Variants in LRRC39 observed in about 807,000 individuals in gnomAD.
The protein encoded by LRRC39 is leucine-rich repeat-containing protein 39.
Under a neutral mutation model 39.7 loss-of-function variants are expected in LRRC39, and 35 were observed. The observed-to-expected ratio is 0.88, with a 90% CI of 0.67 to 1.17. LRRC39 has a LOEUF of 1.17. LRRC39 is among the 50% of genes most tolerant of loss of function. LRRC39 has a pLI of 0.00. For synonymous variants in LRRC39, 113 were observed against 134.1 expected (o/e 0.84, Z 1.09); for missense variants, 357 against 385.8 (o/e 0.93, Z 0.62).
Position 100,149,025 on chromosome 1 carries a change from G to C in LRRC39, c.*17C>G, listed in dbSNP as rs756598148. On this transcript the variant is annotated 3_prime_UTR_variant, in exon 10 of 10. Coordinates refer to ENST00000370137, the MANE Select transcript of LRRC39 (RefSeq NM_144620.4). Reference sequence around the variant, plus strand: ...TTCACCAAAGTAATCCTCTTTAGAAGGGCATCTTGAATTATATTATCCATC... The same window carrying C: ...TTCACCAAAGTAATCCTCTTTAGAACGGCATCTTGAATTATATTATCCATC... 1 of 1,555,998 alleles carries C rather than the reference G, an allele frequency of 6.4e-7. No individual in the cohort carries two copies. Among genetic ancestry groups the C allele is most frequent in the Non-Finnish European group, 8.7e-7 (1 of 1,155,664 alleles).
chr1:100,169,572 A>G (rs1018988206), intron 2 of LRRC39, among the ~76,000 whole-genome samples: 4 of 152,182 alleles, frequency 2.6e-5, no homozygotes, highest in Non-Finnish European at 5.9e-5. Context: ...TCATCGGTAA[A>G]CTATAGTCTA....
chr1:100,164,367 C>T (rs1659094022), intron 3 of LRRC39, among the ~76,000 whole-genome samples: 2 of 152,194 alleles, frequency 1.3e-5, no homozygotes, highest in Non-Finnish European at 2.9e-5. Flanking sequence ...TTCCTTGCCA[C>T]TCAGTGTGAT....
At chr1:100,179,441 C>A (rs189942929), upstream of LRRC39, among the ~76,000 whole-genome samples, 99 of 121,132 alleles carry the variant, frequency 8.2e-4, no homozygotes, top group African/African-American at 2.9e-3. Flanking sequence ...ATGGTAGGAT[C>A]ACTTGAGCCC....
At position 100,152,472 on chromosome 1, in the gene LRRC39, T is replaced by G. The variant is rs780873665; in HGVS notation, c.865A>C (p.Ser289Arg). 1 of 1,614,082 alleles carries G rather than the reference T, an allele frequency of 6.2e-7. No individual in the cohort carries two copies. The highest frequency in any genetic ancestry group is 1.7e-5 in the Admixed American group (1 of 60,018). The change falls in exon 9 of 10, where the codon AGT becomes CGT. Residue 289 changes from serine (S) to arginine (R), a missense_variant. Coordinates refer to ENST00000370137, the MANE Select transcript of LRRC39 (RefSeq NM_144620.4). ...PLKLKVSLPP[S>R]EGTDEEEERE... is the part of the protein sequence containing the mutation. ...TCCTCTTCTTCATCTGTGCCTTCAC[T>G]GGGAGGAAGTGATACTTTCAATTTC... is the stretch of plus-strand genomic sequence containing the variant.
chr1:100,160,814 C>G (rs553426856), intron 3 of LRRC39, among the ~76,000 whole-genome samples: 4 of 151,924 alleles, frequency 2.6e-5, no homozygotes. Context: ...TTAGTAGAAA[C>G]GGGTTTTCAC....
intron 2 of LRRC39, among the ~76,000 whole-genome samples, chr1:100,171,158 T>C (rs1004631990): frequency 6.6e-6 from 1 of 152,354 alleles, no homozygotes; most frequent in Middle Eastern, 3.4e-3. Flanking sequence ...TGGGATATTT[T>C]AACAATTCTT....
intron 4 of LRRC39, among the ~76,000 whole-genome samples, chr1:100,159,982 CA>C (rs1263531058): frequency 6.6e-6 from 1 of 151,980 alleles, no homozygotes; most frequent in Non-Finnish European, 1.5e-5. Context: ...AACATAAAAA[CA>C]AACACTGACC....
intron 2 of LRRC39, among the ~76,000 whole-genome samples, chr1:100,172,821 G>T (rs1442693324): frequency 6.6e-6 from 1 of 152,014 alleles, no homozygotes; most frequent in African/African-American, 2.4e-5. Context: ...TTAGCCGGGC[G>T]TGGTGGCAGG....
Position 100,168,531 on chromosome 1 carries a change from G to A in LRRC39, c.-15C>T. ...TTTTCTGTCATGATTTCTCCACATT[G>A]TCATAGTCACCAACTTCATTAGGTT... On this transcript the variant is annotated 5_prime_UTR_variant, in exon 3 of 10. Coordinates refer to ENST00000370137, the MANE Select transcript of LRRC39 (RefSeq NM_144620.4). The A allele has an allele frequency of 1.3e-6, 2 of 1,585,672 alleles. No individual in the cohort carries two copies. The highest frequency in any genetic ancestry group is 2.3e-5 in the South Asian group (2 of 88,312).
chr1:100,148,570 T>C lies in LRRC39; in HGVS notation c.*472A>G, dbSNP rs745821323. The C allele has an allele frequency of 2.0e-4, 304 of 1,492,380 alleles. No homozygotes were observed. Among genetic ancestry groups the C allele is most frequent in the Non-Finnish European group, 2.5e-4 (278 of 1,093,886 alleles). 92.4% of individuals were successfully genotyped at this position (1,492,380 alleles called of 1,614,324 possible). On this transcript the variant is annotated 3_prime_UTR_variant, in exon 10 of 10. Coordinates refer to ENST00000370137, the MANE Select transcript of LRRC39 (RefSeq NM_144620.4). ...CAATAAATAGTGACAAAAATAATTTTTTATAAACTTTTGCAAAATTTTAAC... is the reference window on the plus strand; with the variant it reads ...CAATAAATAGTGACAAAAATAATTTCTTATAAACTTTTGCAAAATTTTAAC...
chr1:100,153,017 A>G (rs1658171142), intron 8 of LRRC39, among the ~76,000 whole-genome samples: 2 of 152,186 alleles, frequency 1.3e-5, no homozygotes. Flanking sequence ...GTGAGCCACC[A>G]CATCTGGCCT....
intron 9 of LRRC39, among the ~76,000 whole-genome samples, chr1:100,151,347 C>G (rs1166966029): frequency 6.6e-6 from 1 of 152,188 alleles, no homozygotes; most frequent in East Asian, 1.9e-4. Flanking sequence ...TATATATTCT[C>G]TGCTTTCCAA....
At chr1:100,172,713 C>T (rs1447258904) in intron 2 of LRRC39, among the ~76,000 whole-genome samples, 1 of 152,042 alleles carries the variant, frequency 6.6e-6, no homozygotes, top group Non-Finnish European at 1.5e-5. Context: ...GTAGTCCCAG[C>T]ACTTTGGGAG....
intron 9 of LRRC39, among the ~76,000 whole-genome samples, chr1:100,151,975 AAAC>A (rs1251588647): frequency 2.6e-5 from 4 of 152,154 alleles, no homozygotes; most frequent in Non-Finnish European, 5.9e-5. Context: ...ACAAACAAAC[AAAC>A]AAAAAACTGT....
At chr1:100,167,668 G>A (rs537787295) in intron 3 of LRRC39, among the ~76,000 whole-genome samples, 1 of 151,798 alleles carries the variant, frequency 6.6e-6, no homozygotes, top group South Asian at 2.1e-4. Flanking sequence ...CTAGCTACTT[G>A]GAAGGCTGAG....
chr1:100,168,458 T>G lies in LRRC39; in HGVS notation c.59A>C (p.Lys20Thr). ...AVNAVKEVWE[K>T]RIKKLNEDLK... ...GTCTTCATTGAGTTTCTTTATTCTT[T>G]TTTCCCAAACTTCCTTTACAGCATT... Residue 20 changes from lysine to threonine, a missense_variant, in exon 3 of 10, where the codon AAA becomes ACA. Lys to Thr is a moderately conservative substitution (Grantham distance 78). Coordinates refer to ENST00000370137, the MANE Select transcript of LRRC39 (RefSeq NM_144620.4). 6.2e-7 allele frequency: 1 copy of G among 1,612,806 alleles called. No individual in the cohort carries two copies.
chr1:100,155,711 A>G (rs1454803527), intron 7 of LRRC39, among the ~76,000 whole-genome samples: 1 of 152,240 alleles, frequency 6.6e-6, no homozygotes, highest in African/African-American at 2.4e-5. Context: ...ATAATGCGTA[A>G]CATCATGAAC....
chr1:100,154,635 C>G (rs1658325553), intron 8 of LRRC39, among the ~76,000 whole-genome samples: 1 of 152,080 alleles, frequency 6.6e-6, no homozygotes, highest in South Asian at 2.1e-4. Flanking sequence ...TACTGAGAAC[C>G]AAGGCATTCA....
At chr1:100,151,687 C>T (rs1457260342) in intron 9 of LRRC39, among the ~76,000 whole-genome samples, 1 of 152,044 alleles carries the variant, frequency 6.6e-6, no homozygotes, top group African/African-American at 2.4e-5. Context: ...GTCCTCTTCC[C>T]CTGATCTTGG....
Sources: gnomAD v4.1 joint callset for allele counts (sites outside exome capture counted in the v4.1 genomes callset) on GRCh38, gnomAD v4.1.1 for gene constraint, MANE v1.5 for transcripts, NCBI Gene and HGNC (gene_info 2026-07-23, HGNC 2026-07-21) for gene names.